Variants in GALR1 observed in about 807,000 individuals in gnomAD.
GALR1 encodes galanin receptor 1.
Under a neutral mutation model 17.9 loss-of-function variants are expected in GALR1, and 11 were observed. That is an observed-to-expected ratio of 0.62 (90% confidence interval 0.39 to 1.02). GALR1 has a LOEUF of 1.02. Ranked by LOEUF, GALR1 falls within the 50% of genes least tolerant of loss-of-function variation. The probability of loss-of-function intolerance (pLI) is 0.01; values close to 1 mark genes in which losing one functional copy is unlikely to be tolerated. For synonymous variants in GALR1, 206 were observed against 205.7 expected (o/e 1.00, Z -0.01); for missense variants, 441 against 456.9 (o/e 0.97, Z 0.32).
chr18:77,275,643 T>A lies in GALR1; in HGVS notation c.*6741T>A, dbSNP rs1486700364. 6.6e-6 allele frequency: 1 copy of A among 152,156 alleles called. No individual in the cohort carries two copies. The highest frequency in any genetic ancestry group is 6.5e-5 in the Admixed American group (1 of 15,270). The allele number at this position is 152,156 out of a possible 1,614,324, so 9.4% of individuals were successfully genotyped here. On this transcript the variant is annotated 3_prime_UTR_variant, in exon 3 of 3. Coordinates refer to ENST00000299727, the MANE Select transcript of GALR1 (RefSeq NM_001480.4). ...GGGGGTGGGAGTGGGGCTAAATGTG[T>A]TGCTCTTCAGTGGAAATCTGCCCAT...
chr18:77,252,249 A>G (rs1465230221), intron 1 of GALR1, among the ~76,000 whole-genome samples: 1 of 152,228 alleles, frequency 6.6e-6, no homozygotes, highest in Non-Finnish European at 1.5e-5. Flanking sequence ...TTTAATAATC[A>G]GGTGATGGCG....
At chr18:77,268,257 C>T (rs991802986) in intron 2 of GALR1, among the ~76,000 whole-genome samples, 2 of 152,026 alleles carry the variant, frequency 1.3e-5, no homozygotes, top group African/African-American at 2.4e-5. Context: ...TTAAAAGTTA[C>T]AGTCTCTAAC....
chr18:77,252,473 A>T (rs1000297792), intron 1 of GALR1, among the ~76,000 whole-genome samples: 3 of 152,226 alleles, frequency 2.0e-5, no homozygotes, highest in Non-Finnish European at 4.4e-5. Context: ...AAAAGTGTTT[A>T]CTATAAGCCA....
chr18:77,269,040 T>G lies in GALR1; in HGVS notation c.*138T>G. The G allele has an allele frequency of 3.0e-6, 2 of 663,682 alleles. No individual in the cohort carries two copies. The highest frequency in any genetic ancestry group is 2.6e-6 in the Non-Finnish European group (1 of 387,152). The allele number at this position is 663,682 out of a possible 1,614,324, so 41.1% of individuals were successfully genotyped here. On this transcript the variant is annotated 3_prime_UTR_variant, in exon 3 of 3. Transcript: ENST00000299727. Reference sequence around the variant, plus strand: ...AGTCGTTTTAATTAAATCCCACGTGTGTTAAAAAGTACTTTGATCCATTTA... The same window carrying G: ...AGTCGTTTTAATTAAATCCCACGTGGGTTAAAAAGTACTTTGATCCATTTA...
chr18:77,251,001 C>A lies in GALR1; in HGVS notation c.453C>A (p.Asn151Lys), dbSNP rs1250590722. The A allele has an allele frequency of 6.2e-7, 1 of 1,604,886 alleles. No individual in the cohort carries two copies. Among genetic ancestry groups the A allele is most frequent in the Non-Finnish European group, 8.5e-7 (1 of 1,179,894 alleles). ...RRSSSLRVSR[N>K]ALLGVGCIWA... ...CCTCCTCCCTCAGGGTGTCCCGCAA[C>A]GCGCTGCTGGGCGTGGGCTGCATCT... Residue 151 changes from asparagine to lysine, a missense_variant, in exon 1 of 3, where the codon AAC (asparagine) becomes AAA (lysine). Physicochemically the swap from Asn to Lys is moderately conservative, Grantham distance 94 (BLOSUM62 0). Transcript: ENST00000299727.
At chr18:77,265,109 C>A (rs981112779) in intron 2 of GALR1, among the ~76,000 whole-genome samples, 2 of 152,172 alleles carry the variant, frequency 1.3e-5, no homozygotes, top group African/African-American at 4.8e-5. Flanking sequence ...TGAGACAAGG[C>A]AAGTCCCTTT....
At chr18:77,252,854 A>ACACCACCACCACCACCACCACCACCAT (rs1912452115) in intron 1 of GALR1, among the ~76,000 whole-genome samples, 1 of 52,598 alleles carries the variant, frequency 1.9e-5, no homozygotes, top group African/African-American at 6.3e-5. Flanking sequence ...CTGTCTCAAA[A>ACACCACCACCACCACCACCACCACCAT]CACCACCACC....
intron 1 of GALR1, among the ~76,000 whole-genome samples, chr18:77,252,237 A>G (rs1912435197): frequency 6.6e-6 from 1 of 152,218 alleles, no homozygotes; most frequent in South Asian, 2.1e-4. Context: ...ACGGGAGCTT[A>G]TTTTAATAAT....
At chr18:77,258,019 A>G (rs544986401) in intron 2 of GALR1, among the ~76,000 whole-genome samples, 1 of 152,236 alleles carries the variant, frequency 6.6e-6, no homozygotes, top group Non-Finnish European at 1.5e-5. Flanking sequence ...TAGTCTCCAT[A>G]TTTGAAAAAG....
Position 77,268,568 on chromosome 18 carries a change from C to T in GALR1, c.733-17C>T, listed in dbSNP as rs566289077. The T allele has an allele frequency of 4.2e-5, 64 of 1,530,014 alleles. No individual in the cohort carries two copies. The highest frequency in any genetic ancestry group is 5.5e-5 in the African/African-American group (4 of 72,822). The allele number at this position is 1,530,014 out of a possible 1,614,324, so 94.8% of individuals were successfully genotyped here. A position where few individuals can be genotyped will look rare whatever the true frequency, so the allele number is the denominator to read the frequency against. ...CCTCCTCCTCCTCCTCCTCCTCCTC[C>T]TCTTCTTCTTTTCTAGACTGCACAG... On this transcript the variant is annotated splice_polypyrimidine_tract_variant and intron_variant, in intron 2 of 2. Coordinates refer to ENST00000299727, the MANE Select transcript of GALR1 (RefSeq NM_001480.4).
chr18:77,257,777 C>A (rs2850877), intron 2 of GALR1, among the ~76,000 whole-genome samples: 1,711 of 152,276 alleles, frequency 0.011, 32 homozygotes, highest in African/African-American at 0.039. Context: ...TGGAAGAGAT[C>A]AATGTGTGAG....
Position 77,268,569 on chromosome 18 carries a change from T to TC in GALR1, c.733-15dup. On this transcript the variant is annotated splice_polypyrimidine_tract_variant and intron_variant, in intron 2 of 2. Coordinates refer to ENST00000299727, the MANE Select transcript of GALR1 (RefSeq NM_001480.4). ...CTCCTCCTCCTCCTCCTCCTCCTCC[T>TC]CTTCTTCTTTTCTAGACTGCACAGA... The TC allele has an allele frequency of 5.0e-6, 8 of 1,593,672 alleles. No homozygotes were observed. Among genetic ancestry groups the TC allele is most frequent in the Admixed American group, 1.7e-5 (1 of 58,998 alleles).
chr18:77,258,947 G>GAT (rs1310566668), intron 2 of GALR1, among the ~76,000 whole-genome samples: 112 of 138,662 alleles, frequency 8.1e-4, no homozygotes, highest in Middle Eastern at 7.4e-3. Context: ...TGATGATGGT[G>GAT]GTCATGGTGG....
At chr18:77,256,264 G>T in intron 2 of GALR1, 41 bp downstream of exon 2, 1 of 1,153,426 alleles carries the variant, frequency 8.7e-7, no homozygotes, top group Non-Finnish European at 1.3e-6. Flanking sequence ...ACTTTTCAGA[G>T]CTTAGTTTAC....
In GALR1 at chr18:77,250,705, C is replaced by T; in HGVS notation, c.157C>T (p.Leu53=). The part of the protein sequence containing the change: ...IFALGVLGNS[L]VITVLARSKP... Reference sequence around the variant, plus strand: ...CGCGCTGGGTGTGCTGGGCAACAGCCTAGTGATCACCGTGCTGGCGCGCAG... The same window carrying T: ...CGCGCTGGGTGTGCTGGGCAACAGCTTAGTGATCACCGTGCTGGCGCGCAG... The change falls in exon 1 of 3, where the codon CTA becomes TTA. Residue 53 remains leucine, a synonymous_variant. Transcript: ENST00000299727. 1.2e-6 allele frequency: 2 copies of T among 1,613,608 alleles called. No homozygotes were observed. Among genetic ancestry groups the T allele is most frequent in the South Asian group, 1.1e-5 (1 of 91,086 alleles).
chr18:77,271,095 A>T lies in GALR1; in HGVS notation c.*2193A>T, dbSNP rs1402338557. 6.6e-6 allele frequency: 1 copy of T among 152,194 alleles called. No homozygotes were observed. Among genetic ancestry groups the T allele is most frequent in the Non-Finnish European group, 1.5e-5 (1 of 68,038 alleles). The allele number at this position is 152,194 out of a possible 1,614,324, so 9.4% of individuals were successfully genotyped here. ...TTTTCTCCTTCTGATCTGTAAGCAT[A>T]TAAATGGAAGTATTTAAAAAAATAC... On this transcript the variant is annotated 3_prime_UTR_variant, in exon 3 of 3. Transcript: ENST00000299727.
intron 1 of GALR1, among the ~76,000 whole-genome samples, chr18:77,255,442 T>G (rs1912564039): frequency 6.6e-6 from 1 of 152,236 alleles, no homozygotes; most frequent in South Asian, 2.1e-4. Flanking sequence ...AAAAATGTTC[T>G]GTAAATCATC....
rs1599351486 is a variant in GALR1, at chr18:77,250,267, GA to G, written c.-280del. 6.6e-6 allele frequency among the ~76,000 whole-genome samples: 1 copy of G among 152,288 alleles called. No individual in the cohort carries two copies. Among genetic ancestry groups the G allele is most frequent in the East Asian group, 1.9e-4 (1 of 5,154 alleles). On this transcript the variant is annotated 5_prime_UTR_variant, in exon 1 of 3. Coordinates refer to ENST00000299727, the MANE Select transcript of GALR1 (RefSeq NM_001480.4). ...TCGCGCAGCGGGCGGAGGCGCCCGG[GA>G]AGGGGACCCCAGTGCTCTCGAGATC...
Position 77,275,131 on chromosome 18 carries a change from C to T in GALR1, c.*6229C>T, listed in dbSNP as rs1913131146. The T allele has an allele frequency of 6.6e-6, 1 of 152,270 alleles. No homozygotes were observed. The highest frequency in any genetic ancestry group is 2.4e-5 in the African/African-American group (1 of 41,462). The allele number at this position is 152,270 out of a possible 1,614,324, so 9.4% of individuals were successfully genotyped here. On this transcript the variant is annotated 3_prime_UTR_variant, in exon 3 of 3. Coordinates refer to ENST00000299727, the MANE Select transcript of GALR1 (RefSeq NM_001480.4). ...GTAGAACAGGTCAGTTGGCATGTGG[C>T]CTCCTGAGGGCCTTGCATGGGGTTC...
Sources: gnomAD v4.1 joint callset for allele counts (sites outside exome capture counted in the v4.1 genomes callset) on GRCh38, gnomAD v4.1.1 for gene constraint, MANE v1.5 for transcripts, NCBI Gene and HGNC (gene_info 2026-07-23, HGNC 2026-07-21) for gene names.